The following CDKL2 variants were observed in gnomAD, a reference collection of about 807,000 sequenced individuals.
CDKL2 encodes the protein cyclin dependent kinase like 2.
Under a neutral mutation model 63.9 loss-of-function variants are expected in CDKL2, and 64 were observed. That is an observed-to-expected ratio of 1.00 (90% CI 0.82 to 1.23). The LOEUF (loss-of-function observed/expected upper bound fraction) is 1.23, where lower values mean the gene tolerates loss of function less well. Among genes scored for constraint, CDKL2 ranks in the 50% most tolerant of loss-of-function variants. CDKL2 has a pLI of 0.00. For missense variants in CDKL2, 656 were observed against 668.0 expected, an observed-to-expected ratio of 0.98 and a Z score of 0.20; for synonymous variants, 211 against 229.2, an observed-to-expected ratio of 0.92 and a Z score of 0.72.
At position 75,577,461 on chromosome 4, in the gene CDKL2, T is replaced by C. The variant is rs935302231; in HGVS notation, c.*1741A>G. On this transcript the variant is annotated 3_prime_UTR_variant, in exon 14 of 14. Transcript: ENST00000307465. The stretch of plus-strand genomic sequence containing the variant: ...TTCTAAAGTTCACAAAGTGTTTTAA[T>C]AGGCAAAAGATATCAAAAGCTAGTA... Among the ~76,000 whole-genome samples the C allele has an allele frequency of 2.0e-5, 3 of 152,180 alleles. No individual in the cohort carries two copies. Among genetic ancestry groups the C allele is most frequent in the Non-Finnish European group, 4.4e-5 (3 of 68,022 alleles).
rs1728128879 is a variant in CDKL2, at chr4:75,578,693, G to A, written c.*509C>T. The A allele has an allele frequency of 6.6e-6, 1 of 152,466 alleles. No homozygotes were observed. The highest frequency in any genetic ancestry group is 1.5e-5 in the Non-Finnish European group (1 of 68,012). 9.4% of individuals were successfully genotyped at this position (152,466 alleles called of 1,614,324 possible). ...CAAACAGTTTCTCTTACTGATCCTAGTTTCTTCAATTTTCTTCAACTGATC... is the reference window on the plus strand; with the variant it reads ...CAAACAGTTTCTCTTACTGATCCTAATTTCTTCAATTTTCTTCAACTGATC... On this transcript the variant is annotated 3_prime_UTR_variant, in exon 14 of 14. Coordinates refer to ENST00000307465, the MANE Select transcript of CDKL2 (RefSeq NM_001330724.2).
intron 10 of CDKL2, chr4:75,595,971 AGG>A (rs1272660152): frequency 2.8e-4 from 55 of 195,260 alleles, no homozygotes; most frequent in Middle Eastern, 1.5e-3. Flanking sequence ...GAAGGAAGGA[AGG>A]AAAGAAGGAA....
intron 2 of CDKL2, among the ~76,000 whole-genome samples, chr4:75,618,653 C>T (rs927044478): frequency 2.8e-4 from 42 of 152,270 alleles, no homozygotes; most frequent in Admixed American, 2.5e-3. Context: ...AAATCAAGAA[C>T]ATGAGAATCC....
At chr4:75,622,702 A>G (rs1023786579) in intron 2 of CDKL2, among the ~76,000 whole-genome samples, 1 of 124,224 alleles carries the variant, frequency 8.0e-6, no homozygotes, top group East Asian at 2.8e-4. Flanking sequence ...TGGGTGACAG[A>G]GCAAGACTCC....
In CDKL2 at chr4:75,628,102, G is replaced by A. The variant is rs893478569; in HGVS notation, c.-30+1940C>T. On this transcript the variant is annotated intron_variant, in intron 1 of 13. Transcript: ENST00000307465. ...TGATTACTCACTATAAGTATAATTT[G>A]AATTTGTGTTTGAAATTTTTTTTTT... Among the ~76,000 whole-genome samples the A allele has an allele frequency of 4.0e-5, 6 of 150,718 alleles. No individual in the cohort carries two copies. In the East Asian group the frequency reaches 7.8e-4, roughly 20 times the overall value.
chr4:75,617,625 C>T (rs1164130452), intron 2 of CDKL2, among the ~76,000 whole-genome samples: 1 of 152,182 alleles, frequency 6.6e-6, no homozygotes, highest in Non-Finnish European at 1.5e-5. Flanking sequence ...CTAAATAATA[C>T]TAGAATGTCA....
chr4:75,614,380 A>G lies in CDKL2; in HGVS notation c.238T>C (p.Phe80Leu), dbSNP rs1047198880. The G allele has an allele frequency of 1.2e-6, 2 of 1,610,840 alleles. No homozygotes were observed. The highest frequency in any genetic ancestry group is 2.7e-5 in the African/African-American group (2 of 74,914). Residue 80 changes from phenylalanine to leucine, a missense_variant, in exon 3 of 14, where the codon TTT (phenylalanine) becomes CTT (leucine). Phe to Leu is a conservative substitution (Grantham distance 22). Transcript: ENST00000307465. ...CKKKKRWYLV[F>L]EFVDHTILDD... ...AGAATTGTGTGGTCAACAAATTCAAAGACTAGGTACCATCGTTTTTTTTTC... is the reference window on the plus strand; with the variant it reads ...AGAATTGTGTGGTCAACAAATTCAAGGACTAGGTACCATCGTTTTTTTTTC...
chr4:75,594,607 G>GA (rs535673039), intron 10 of CDKL2, among the ~76,000 whole-genome samples: 3 of 150,200 alleles, frequency 2.0e-5, no homozygotes, highest in South Asian at 2.1e-4. Context: ...AAATGCAATG[G>GA]AAAAAAAAAT....
intron 2 of CDKL2, among the ~76,000 whole-genome samples, chr4:75,624,852 G>A (rs561962312): frequency 4.6e-5 from 7 of 152,094 alleles, no homozygotes; most frequent in African/African-American, 7.2e-5. Context: ...GTGAGACTCC[G>A]TCTCAAAAAA....
chr4:75,610,137 A>G (rs1729623905), intron 3 of CDKL2, among the ~76,000 whole-genome samples: 1 of 151,604 alleles, frequency 6.6e-6, no homozygotes, highest in African/African-American at 2.4e-5. Flanking sequence ...TGGGAGGCGG[A>G]GCTTGCAGTG....
rs1177300780 is a variant in CDKL2 at position 75,577,089 on chromosome 4, T to G, written c.*2113A>C. Among the ~76,000 whole-genome samples, 3 of 152,218 alleles carry G rather than the reference T, an allele frequency of 2.0e-5. No individual in the cohort carries two copies. The highest frequency in any genetic ancestry group is 7.2e-5 in the African/African-American group (3 of 41,470). ...TTATAGCCTCTTAATTAAATAAATC[T>G]AAATTTAAACCATCTATGGAGCCCA... On this transcript the variant is annotated 3_prime_UTR_variant, in exon 14 of 14. Coordinates refer to ENST00000307465, the MANE Select transcript of CDKL2 (RefSeq NM_001330724.2).
chr4:75,626,188 T>G (rs966399687), intron 1 of CDKL2, among the ~76,000 whole-genome samples, 171 bp from the exon 2 acceptor site: 4 of 152,170 alleles, frequency 2.6e-5, no homozygotes, highest in African/African-American at 9.7e-5. Context: ...TGTTTCAAAA[T>G]GGTCACACAC....
intron 6 of CDKL2, among the ~76,000 whole-genome samples, chr4:75,602,987 C>CTTTTTTTTTTT (rs1165939407): frequency 1.1e-5 from 1 of 87,468 alleles, no homozygotes; most frequent in African/African-American, 4.5e-5. Context: ...TAAATGGTTT[C>CTTTTTTTTTTT]TTTTTTTTTT....
At chr4:75,627,731 C>CTTTTTTTTTTTTTTTTTTTTTT (rs57328528) in intron 1 of CDKL2, among the ~76,000 whole-genome samples, 5 of 85,986 alleles carry the variant, frequency 5.8e-5, no homozygotes, top group Non-Finnish European at 8.3e-5. Flanking sequence ...CTTTTTTTTT[C>CTTTTTTTTTTTTTTTTTTTTTT]TTTTTTTTTT....
At chr4:75,626,462 T>A (rs777561156) in intron 1 of CDKL2, among the ~76,000 whole-genome samples, 2 of 151,918 alleles carry the variant, frequency 1.3e-5, no homozygotes, top group East Asian at 3.9e-4. Context: ...GTCGGGAGAT[T>A]GAGACCATCC....
intron 12 of CDKL2, among the ~76,000 whole-genome samples, chr4:75,591,316 C>G (rs1193130196): frequency 6.6e-6 from 1 of 152,140 alleles, no homozygotes; most frequent in East Asian, 1.9e-4. Flanking sequence ...GGATTACTGG[C>G]CAGGAGCCAT....
rs1578326290 is a variant in CDKL2 at position 75,597,204 on chromosome 4, A to G, written c.1053T>C (p.Tyr351=). The G allele has an allele frequency of 6.2e-7, 1 of 1,608,644 alleles. No individual in the cohort carries two copies. The highest frequency in any genetic ancestry group is 8.5e-7 in the Non-Finnish European group (1 of 1,175,964). The part of the protein sequence containing the change: ...DTNADPKIKD[Y]KLFKIKGSKI... ...TTGAGCCTTTTATTTTAAATAGTTT[A>G]TAATCCTTAATTTTGGGATCAGCAT... Residue 351 remains tyrosine, a synonymous_variant, in exon 9 of 14, where the codon TAT becomes TAC. Coordinates refer to ENST00000307465, the MANE Select transcript of CDKL2 (RefSeq NM_001330724.2).
chr4:75,623,917 T>C (rs1050403192), intron 2 of CDKL2, among the ~76,000 whole-genome samples: 1 of 152,006 alleles, frequency 6.6e-6, no homozygotes, highest in Non-Finnish European at 1.5e-5. Context: ...GCGGATAACC[T>C]GAGGTCAGGA....
Position 75,591,890 on chromosome 4 carries a change from T to C in CDKL2, c.1576A>G (p.Ile526Val). ...GAAGGAATTCGAGATTCTGAAAGAA[T>C]TTTGCTCTCTTTCTTTGTTAGCCTG... ...NSRLTKKESK[I>V]LSESRIPSLA... is the part of the protein sequence containing the mutation. Residue 526 changes from isoleucine to valine, a missense_variant, in exon 12 of 14, where the codon ATT becomes GTT. By Grantham distance (29) the Ile-to-Val change is conservative (BLOSUM62 3). Transcript: ENST00000307465. 6.5e-7 allele frequency: 1 copy of C among 1,536,020 alleles called. No homozygotes were observed.
Sources: allele counts gnomAD v4.1 joint callset (sites outside exome capture counted in the v4.1 genomes callset), GRCh38; gene constraint gnomAD v4.1.1; transcripts MANE v1.5; gene names NCBI Gene and HGNC (gene_info 2026-07-23, HGNC 2026-07-21).